Variants in DLGAP4 observed in about 807,000 individuals in gnomAD.
DLGAP4 encodes DLG associated protein 4.
DLGAP4 carries 18 observed loss-of-function variants against 86.9 expected under a neutral mutation model. The ratio of observed to expected loss-of-function variants is 0.21; its 90% CI spans 0.14 to 0.31. DLGAP4 has a LOEUF of 0.31. Among genes scored for constraint, DLGAP4 ranks in the 10% least tolerant of loss-of-function variants. The pLI, the probability that DLGAP4 is intolerant of heterozygous loss-of-function variation, is 1.00. For synonymous variants in DLGAP4, 548 were observed against 574.3 expected (o/e 0.95, Z 0.65); for missense variants, 1,085 against 1,362.6 (o/e 0.80, Z 3.21).
At chr20:36,403,296 G>A (rs1447842218) in intron 2 of DLGAP4, among the ~76,000 whole-genome samples, 1 of 152,148 alleles carries the variant, frequency 6.6e-6, no homozygotes, top group Non-Finnish European at 1.5e-5. Context: ...GGAAAGAGGA[G>A]GTGAACCCAC....
intron 7 of DLGAP4, among the ~76,000 whole-genome samples, chr20:36,457,970 G>T (rs1191611222): frequency 6.6e-6 from 1 of 152,146 alleles, no homozygotes; most frequent in Non-Finnish European, 1.5e-5. Flanking sequence ...AATAAGCAGT[G>T]CTGGGAAGCG....
chr20:36,392,656 C>A (rs1488253924), intron 2 of DLGAP4, among the ~76,000 whole-genome samples: 3 of 152,234 alleles, frequency 2.0e-5, no homozygotes, highest in Admixed American at 6.5e-5. Context: ...GTGTGAGCCA[C>A]CGCGCCCAGC....
intron 7 of DLGAP4, among the ~76,000 whole-genome samples, chr20:36,448,938 A>G (rs975698457): frequency 7.0e-6 from 1 of 142,784 alleles, no homozygotes; most frequent in Non-Finnish European, 1.6e-5. Flanking sequence ...TGTCTCAAAG[A>G]AAAAAAAAAG....
At chr20:36,394,580 G>A (rs1319053948) in intron 2 of DLGAP4, among the ~76,000 whole-genome samples, 1 of 152,164 alleles carries the variant, frequency 6.6e-6, no homozygotes, top group African/African-American at 2.4e-5. Flanking sequence ...GTACATGCAC[G>A]TGTGCGCACG....
intron 10 of DLGAP4, among the ~76,000 whole-genome samples, chr20:36,523,872 A>G (rs977467516): frequency 6.6e-6 from 1 of 152,176 alleles, no homozygotes; most frequent in Non-Finnish European, 1.5e-5. Context: ...CATGCTGCCC[A>G]GGCTGGTCTT....
At chr20:36,478,318 G>A (rs1600611725) in intron 7 of DLGAP4, among the ~76,000 whole-genome samples, 1 of 152,092 alleles carries the variant, frequency 6.6e-6, no homozygotes, top group East Asian at 1.9e-4. Context: ...TGGAATCTGT[G>A]CCCTCCCTAA....
intron 2 of DLGAP4, among the ~76,000 whole-genome samples, chr20:36,371,166 T>C (rs1328837659): frequency 6.6e-6 from 1 of 152,162 alleles, no homozygotes; most frequent in African/African-American, 2.4e-5. Flanking sequence ...GCATAGATGC[T>C]CCAAGCAGCA....
intron 1 of DLGAP4, among the ~76,000 whole-genome samples, chr20:36,365,893 A>C (rs2030668726): frequency 2.0e-5 from 3 of 152,162 alleles, no homozygotes; most frequent in African/African-American, 7.2e-5. Context: ...GCCTGAGTTC[A>C]AATCCCGACC....
chr20:36,385,612 A>G (rs1368497041), intron 2 of DLGAP4, among the ~76,000 whole-genome samples: 1 of 152,202 alleles, frequency 6.6e-6, no homozygotes, highest in Admixed American at 6.5e-5. Context: ...GGCAGTCTCA[A>G]GCCCCAGAGC....
Position 36,306,914 on chromosome 20 carries a change from G to C in DLGAP4, c.-304+402G>C, listed in dbSNP as rs1208647275. 1.3e-5 allele frequency among the ~76,000 whole-genome samples: 2 copies of C among 152,164 alleles called. No homozygotes were observed. The highest frequency in any genetic ancestry group is 2.4e-5 in the African/African-American group (1 of 41,454). On this transcript the variant is annotated intron_variant, in intron 1 of 12. Transcript: ENST00000339266. The surrounding 1 kb of genome is among the most constrained non-coding windows in gnomAD (Gnocchi z 4.9). ...CCTCAGGCCCGCCCCCTAATCCGCAGGGCGGCCTGGGGGTCAGGCGGACCC... is the reference window on the plus strand; with the variant it reads ...CCTCAGGCCCGCCCCCTAATCCGCACGGCGGCCTGGGGGTCAGGCGGACCC...
At chr20:36,430,342 C>T (rs930879677) in intron 2 of DLGAP4, among the ~76,000 whole-genome samples, 1 of 152,150 alleles carries the variant, frequency 6.6e-6, no homozygotes, top group African/African-American at 2.4e-5. Context: ...TTGTTGGCCT[C>T]TTTGGTGTCA....
At chr20:36,342,261 C>T (rs2065390952) in intron 1 of DLGAP4, among the ~76,000 whole-genome samples, 1 of 152,186 alleles carries the variant, frequency 6.6e-6, no homozygotes, top group African/African-American at 2.4e-5. Context: ...CAAGATGGCT[C>T]CTATCTCTTC....
At chr20:36,372,768 T>C (rs1373682703) in intron 2 of DLGAP4, among the ~76,000 whole-genome samples, 1 of 152,292 alleles carries the variant, frequency 6.6e-6, no homozygotes, top group African/African-American at 2.4e-5. Flanking sequence ...TTTGTGAGAG[T>C]TGGTTAAATA....
intron 7 of DLGAP4, among the ~76,000 whole-genome samples, chr20:36,463,375 C>A (rs1315982144): frequency 3.3e-5 from 5 of 152,216 alleles, no homozygotes; most frequent in Non-Finnish European, 7.3e-5. Context: ...TGTCTTTAAA[C>A]AGCCCCATCG....
intron 6 of DLGAP4, among the ~76,000 whole-genome samples, chr20:36,445,133 T>C (rs990187943): frequency 3.3e-5 from 5 of 152,002 alleles, no homozygotes; most frequent in African/African-American, 9.7e-5. Context: ...AGAGCTGGGG[T>C]CCCACTATGT....
At chr20:36,516,206 C>G (rs1396897640) in intron 10 of DLGAP4, among the ~76,000 whole-genome samples, 1 of 152,186 alleles carries the variant, frequency 6.6e-6, no homozygotes, top group Non-Finnish European at 1.5e-5. Context: ...AATAAAAGGT[C>G]CACACAGATC....
intron 5 of DLGAP4, among the ~76,000 whole-genome samples, chr20:36,442,486 G>A (rs961461596): frequency 6.6e-6 from 1 of 152,144 alleles, no homozygotes; most frequent in Non-Finnish European, 1.5e-5. Flanking sequence ...GAGCCACTGC[G>A]CCCAGCCAAG....
intron 10 of DLGAP4, among the ~76,000 whole-genome samples, chr20:36,523,036 C>G (rs556132268): frequency 6.7e-6 from 1 of 149,740 alleles, no homozygotes; most frequent in East Asian, 1.9e-4. Context: ...TAGAGATGGA[C>G]TTTTATACCC....
At chr20:36,395,532 T>C (rs2031921051) in intron 2 of DLGAP4, among the ~76,000 whole-genome samples, 1 of 152,064 alleles carries the variant, frequency 6.6e-6, no homozygotes, top group South Asian at 2.1e-4. Context: ...GGAGTCTTGC[T>C]CTGTCACCCA....
Sources: allele counts gnomAD v4.1 joint callset (sites outside exome capture counted in the v4.1 genomes callset), GRCh38; gene constraint gnomAD v4.1.1; non-coding constraint Gnocchi (gnomAD v3.1); transcripts MANE v1.5; gene names NCBI Gene and HGNC (gene_info 2026-07-23, HGNC 2026-07-21).